Variants in RASEF observed in about 807,000 individuals in gnomAD.
RASEF encodes the protein RAS and EF-hand domain containing, also known as ras and EF-hand domain-containing protein.
A neutral mutation model predicts 90.1 loss-of-function variants in RASEF; 68 were observed. That is an observed-to-expected ratio of 0.75 (90% CI 0.62 to 0.92). The LOEUF (loss-of-function observed/expected upper bound fraction) is 0.92, where lower values mean the gene tolerates loss of function less well. RASEF is among the 40% of genes least tolerant of loss of function. The pLI is 0.00. For missense variants in RASEF, 949 were observed against 937.2 expected (o/e 1.01, Z -0.16); for synonymous variants, 331 against 345.2 (o/e 0.96, Z 0.46).
the RASEF span, among the ~76,000 whole-genome samples, chr9:83,178,043 T>C: frequency 1.3e-5 from 2 of 152,320 alleles, no homozygotes; most frequent in Middle Eastern, 3.4e-3. Context: ...ATACTGATAA[T>C]TTCTAAAGAC....
the RASEF span, among the ~76,000 whole-genome samples, chr9:83,192,796 C>G: frequency 1.3e-5 from 2 of 151,332 alleles, no homozygotes; most frequent in African/African-American, 4.9e-5. Context: ...AAAGATTGCT[C>G]ACTACATCAC....
chr9:83,158,609 T>C, the RASEF span, among the ~76,000 whole-genome samples: 2 of 147,218 alleles, frequency 1.4e-5, no homozygotes, highest in African/African-American at 2.5e-5. Flanking sequence ...AATATATACA[T>C]ATATGTATAT....
At chr9:83,059,362 GAAAA>G (rs201457912) in intron 1 of RASEF, among the ~76,000 whole-genome samples, 6 of 88,214 alleles carry the variant, frequency 6.8e-5, no homozygotes, top group African/African-American at 4.3e-5. Context: ...AACAGTAACT[GAAAA>G]AAAAAAAAAA....
chr9:83,144,397 AAAGAAAGAAAGAAAG>A, the RASEF span, among the ~76,000 whole-genome samples: 14 of 146,268 alleles, frequency 9.6e-5, no homozygotes, highest in African/African-American at 3.4e-4. Context: ...GAAAGGAAAG[AAAGAAAGAAAGAAAG>A]AAAGAAAAGA....
At chr9:83,056,113 G>A (rs1054852673) in intron 1 of RASEF, among the ~76,000 whole-genome samples, 15 of 152,186 alleles carry the variant, frequency 9.9e-5, no homozygotes, top group Non-Finnish European at 2.1e-4. Context: ...GTTTTTATAA[G>A]ACATATAGAC....
intron 1 of RASEF, among the ~76,000 whole-genome samples, chr9:83,046,201 T>C (rs1276278798): frequency 6.6e-6 from 1 of 152,194 alleles, no homozygotes; most frequent in Non-Finnish European, 1.5e-5. Context: ...GTACTAAGCC[T>C]AGTACCCAAT....
the RASEF span, among the ~76,000 whole-genome samples, chr9:83,093,652 G>T: frequency 6.6e-6 from 1 of 152,176 alleles, no homozygotes; most frequent in Non-Finnish European, 1.5e-5. Context: ...GGCCCGCAAG[G>T]GCCGCACGCA....
chr9:82,994,975 A>G (rs2118410693), intron 14 of RASEF, among the ~76,000 whole-genome samples: 1 of 152,358 alleles, frequency 6.6e-6, no homozygotes, highest in Admixed American at 6.5e-5. Context: ...GAGTTCCTCA[A>G]ATTAGAAACA....
the RASEF span, among the ~76,000 whole-genome samples, chr9:83,196,274 G>A: frequency 6.6e-6 from 1 of 152,176 alleles, no homozygotes; most frequent in Admixed American, 6.5e-5. Flanking sequence ...AAACAGCAGA[G>A]TTAAGATAAA....
the RASEF span, among the ~76,000 whole-genome samples, chr9:83,097,419 A>T: frequency 6.6e-6 from 1 of 152,226 alleles, no homozygotes; most frequent in Non-Finnish European, 1.5e-5. Context: ...TAATTAAACT[A>T]AAGAGCTTCT....
At chr9:83,034,566 A>G (rs1328244267) in intron 1 of RASEF, among the ~76,000 whole-genome samples, 1 of 152,230 alleles carries the variant, frequency 6.6e-6, no homozygotes, top group East Asian at 1.9e-4. Context: ...GGAACAATCC[A>G]GATTACAAAT....
the RASEF span, among the ~76,000 whole-genome samples, chr9:83,171,661 G>T: frequency 6.6e-6 from 1 of 151,770 alleles, no homozygotes; most frequent in Non-Finnish European, 1.5e-5. Context: ...TTGGTAAGTT[G>T]TATGTGTCTA....
rs967032796 is a variant in RASEF, at chr9:83,025,983, G to A, written c.432-62C>T. ...AAATTTTAAAGGCAACTCTGCAGGG[G>A]GCTTTTAAGAAAGAGAAACATAAAT... is the stretch of plus-strand genomic sequence containing the variant. On this transcript the variant is annotated intron_variant, in intron 1 of 16. Transcript: ENST00000376447. 4.9e-6 allele frequency: 6 copies of A among 1,221,644 alleles called. No individual in the cohort carries two copies. The South Asian group carries it at 6.5e-5, about 13-fold the overall frequency. 75.7% of individuals were successfully genotyped at this position (1,221,644 alleles called of 1,614,324 possible).
chr9:82,994,411 T>A (rs1341203337), intron 14 of RASEF, among the ~76,000 whole-genome samples: 1 of 152,210 alleles, frequency 6.6e-6, no homozygotes, highest in African/African-American at 2.4e-5. Flanking sequence ...TCCTTCCCAG[T>A]GAGGCTACCT....
the RASEF span, among the ~76,000 whole-genome samples, chr9:83,069,278 A>G: frequency 1.3e-5 from 2 of 152,224 alleles, no homozygotes; most frequent in African/African-American, 4.8e-5. Context: ...TAATCAAGAT[A>G]TAGAATATTT....
the RASEF span, among the ~76,000 whole-genome samples, chr9:83,216,672 C>A: frequency 2.0e-3 from 311 of 152,250 alleles, no homozygotes; most frequent in Non-Finnish European, 3.5e-3. Flanking sequence ...CCACTGAAGC[C>A]CCCACACAGA....
chr9:83,170,039 T>C, the RASEF span, among the ~76,000 whole-genome samples: 1 of 152,126 alleles, frequency 6.6e-6, no homozygotes, highest in South Asian at 2.1e-4. Flanking sequence ...AATATTTTCT[T>C]CAAGTAGTTT....
At chr9:83,026,544 C>G (rs1829553376) in intron 1 of RASEF, among the ~76,000 whole-genome samples, 2 of 152,032 alleles carry the variant, frequency 1.3e-5, no homozygotes, top group Admixed American at 1.3e-4. Context: ...CCTGAGAACT[C>G]TTTCACTATC....
chr9:82,987,661 C>T (rs1828733316), intron 16 of RASEF, among the ~76,000 whole-genome samples: 1 of 152,128 alleles, frequency 6.6e-6, no homozygotes, highest in Non-Finnish European at 1.5e-5. Flanking sequence ...AGCCATATAA[C>T]TTTAATATGA....
Sources: gnomAD v4.1 joint callset for allele counts (sites outside exome capture counted in the v4.1 genomes callset) on GRCh38, gnomAD v4.1.1 for gene constraint, MANE v1.5 for transcripts, NCBI Gene and HGNC (gene_info 2026-07-23, HGNC 2026-07-21) for gene names.